The following KIAA1671 variants were observed in gnomAD, a reference collection of about 807,000 sequenced individuals.
KIAA1671 encodes the protein uncharacterized protein KIAA1671.
A neutral mutation model predicts 131.2 loss-of-function variants in KIAA1671; 52 were observed. That is an observed-to-expected ratio of 0.40 (90% CI 0.32 to 0.50). The LOEUF is 0.50. Among genes scored for constraint, KIAA1671 ranks in the 20% least tolerant of loss-of-function variants. The probability of loss-of-function intolerance (pLI) is 0.73; values close to 1 mark genes in which losing one functional copy is unlikely to be tolerated. For missense variants in KIAA1671, 2,360 were observed against 2,364.2 expected (o/e 1.00, Z 0.04); for synonymous variants, 1,003 against 961.6 (o/e 1.04, Z -0.80).
At chr22:25,178,455 G>A (rs1601386043) in intron 9 of KIAA1671, among the ~76,000 whole-genome samples, 2 of 152,384 alleles carry the variant, frequency 1.3e-5, no homozygotes, top group African/African-American at 4.8e-5. Flanking sequence ...GGAGGGGCCA[G>A]CACTCCAAAG....
At chr22:25,128,226 C>T (rs1932272477) in intron 6 of KIAA1671, among the ~76,000 whole-genome samples, 1 of 152,082 alleles carries the variant, frequency 6.6e-6, no homozygotes, top group Non-Finnish European at 1.5e-5. Context: ...CTAGGTGAGC[C>T]CCAGGTAGAG....
At chr22:25,171,697 C>T (rs1377283599) in intron 7 of KIAA1671, among the ~76,000 whole-genome samples, 3 of 150,970 alleles carry the variant, frequency 2.0e-5, no homozygotes, top group African/African-American at 2.4e-5. Context: ...CCAGCCTGGG[C>T]GACAGAGAGA....
intron 1 of KIAA1671, among the ~76,000 whole-genome samples, chr22:24,984,625 T>C (rs1923418140): frequency 6.6e-6 from 1 of 152,014 alleles, no homozygotes; most frequent in South Asian, 2.1e-4. Flanking sequence ...AGTCTTCCCA[T>C]TCAGGACAAA....
intron 6 of KIAA1671, among the ~76,000 whole-genome samples, chr22:25,120,617 A>C (rs1472121500): frequency 1.3e-5 from 2 of 152,214 alleles, no homozygotes; most frequent in African/African-American, 2.4e-5. Flanking sequence ...TTCTTGGAAC[A>C]TATAGAAAAA....
At chr22:24,987,137 A>AT (rs532493499) in intron 1 of KIAA1671, among the ~76,000 whole-genome samples, 7 of 148,076 alleles carry the variant, frequency 4.7e-5, no homozygotes, top group Admixed American at 4.0e-4. Flanking sequence ...TGTTCTTTTG[A>AT]TTTTTTTCCA....
rs1934792274 is a variant in KIAA1671, at chr22:25,195,391, G to A, written c.*2990G>A. Reference sequence around the variant, plus strand: ...ACTCCATGCCACCGGAGAAACTCTGGTGAAAGAGAAACCTCGTGGTCTTTA... The same window carrying A: ...ACTCCATGCCACCGGAGAAACTCTGATGAAAGAGAAACCTCGTGGTCTTTA... On this transcript the variant is annotated 3_prime_UTR_variant, in exon 13 of 13. Coordinates refer to ENST00000358431, the MANE Select transcript of KIAA1671 (RefSeq NM_001145206.2). 1 of 152,188 alleles carries A rather than the reference G, an allele frequency of 6.6e-6. No individual in the cohort carries two copies. The highest frequency in any genetic ancestry group is 1.9e-4 in the East Asian group (1 of 5,198). 9.4% of individuals were successfully genotyped at this position (152,188 alleles called of 1,614,324 possible).
intron 9 of KIAA1671, chr22:25,179,660 C>T: frequency 1.6e-6 from 1 of 644,702 alleles, no homozygotes; most frequent in Non-Finnish European, 2.7e-6. Flanking sequence ...TTATCAGAAA[C>T]TAGGTAAAAC....
intron 4 of KIAA1671, among the ~76,000 whole-genome samples, chr22:25,036,200 CCTCCTGAGTAG>C (rs1208703685): frequency 2.6e-5 from 4 of 152,144 alleles, no homozygotes; most frequent in Admixed American, 1.3e-4. Context: ...CCTGCCTCAG[CCTCCTGAGTAG>C]CTGGGATTAC....
At chr22:25,175,843 C>G (rs1253403641) in intron 8 of KIAA1671, 1 of 152,216 alleles carries the variant, frequency 6.6e-6, no homozygotes, top group Non-Finnish European at 1.5e-5. Context: ...AAGCATAGGT[C>G]TAACGCTTAC....
rs186718406 is a variant in KIAA1671 at position 24,964,559 on chromosome 22, C to T, written c.-208+11787C>T. On this transcript the variant is annotated intron_variant, in intron 1 of 12. Coordinates refer to ENST00000358431, the MANE Select transcript of KIAA1671 (RefSeq NM_001145206.2). The stretch of plus-strand genomic sequence containing the variant: ...TCCTCAGCCTTCTGAGTAGCTGGGA[C>T]CAAAGGAATGCGCCACCATGTCCAG... Among the ~76,000 whole-genome samples, 12 of 152,098 alleles carry T rather than the reference C, an allele frequency of 7.9e-5. No individual in the cohort carries two copies. The East Asian group carries it at 2.3e-3, about 29-fold the overall frequency.
At chr22:24,997,693 AG>A (rs565299141) in intron 1 of KIAA1671, among the ~76,000 whole-genome samples, 57 of 152,218 alleles carry the variant, frequency 3.7e-4, no homozygotes, top group South Asian at 8.3e-4. Flanking sequence ...GAGCACCTGG[AG>A]GCCACTCGAA....
chr22:25,089,323 G>A (rs9624721), intron 6 of KIAA1671, among the ~76,000 whole-genome samples: 9,541 of 138,822 alleles, frequency 0.069, 1,056 homozygotes, highest in African/African-American at 0.25. Flanking sequence ...TGCCCAGGCT[G>A]GAGTGCAGTG....
rs73407427 is a variant in KIAA1671 at position 25,167,330 on chromosome 22, T to G, written c.4531-3490T>G. On this transcript the variant is annotated intron_variant, in intron 6 of 12. Transcript: ENST00000358431. Reference sequence around the variant, plus strand: ...TTTGACCTGGTGACTCTATACCTAGTAATTTCTCTTACGGGAATAATTGCA... The same window carrying G: ...TTTGACCTGGTGACTCTATACCTAGGAATTTCTCTTACGGGAATAATTGCA... 9.0e-3 allele frequency among the ~76,000 whole-genome samples: 1,365 copies of G among 152,320 alleles called. 24 individuals carry two copies. The highest frequency in any genetic ancestry group is 0.031 in the African/African-American group (1,273 of 41,568).
intron 6 of KIAA1671, among the ~76,000 whole-genome samples, chr22:25,066,300 C>T (rs1373587658): frequency 6.6e-6 from 1 of 152,176 alleles, no homozygotes; most frequent in Admixed American, 6.5e-5. Flanking sequence ...AGGCACACAC[C>T]ACCACACCAG....
chr22:25,171,003 AC>A, intron 7 of KIAA1671, 65 bp downstream of exon 7: 1 of 1,259,530 alleles, frequency 7.9e-7, no homozygotes, highest in Non-Finnish European at 1.1e-6. Context: ...GCTGCAGCCC[AC>A]CCACCTCCTG....
intron 1 of KIAA1671, among the ~76,000 whole-genome samples, chr22:25,009,341 T>C (rs1924908518): frequency 7.3e-6 from 1 of 137,624 alleles, no homozygotes; most frequent in African/African-American, 2.7e-5. Flanking sequence ...CTTGGCTCAC[T>C]GCAACCTCTG....
At chr22:25,160,306 C>T (rs1354308506) in intron 6 of KIAA1671, among the ~76,000 whole-genome samples, 2 of 152,072 alleles carry the variant, frequency 1.3e-5, no homozygotes, top group African/African-American at 4.8e-5. Context: ...ACGGGTGTGC[C>T]CCTGTGGGTG....
intron 5 of KIAA1671, among the ~76,000 whole-genome samples, chr22:25,046,745 C>T (rs1326156722): frequency 4.6e-5 from 7 of 151,880 alleles, no homozygotes; most frequent in Non-Finnish European, 8.8e-5. Context: ...TAATAAAGAG[C>T]ACTTTCTCTA....
chr22:25,027,679 CAG>C (rs1336539110), intron 2 of KIAA1671, among the ~76,000 whole-genome samples: 1 of 152,184 alleles, frequency 6.6e-6, no homozygotes, highest in Non-Finnish European at 1.5e-5. Context: ...GATTAGCTGT[CAG>C]GGGAAAGTCC....
Sources: allele counts gnomAD v4.1 joint callset (sites outside exome capture counted in the v4.1 genomes callset), GRCh38; gene constraint gnomAD v4.1.1; transcripts MANE v1.5; gene names NCBI Gene and HGNC (gene_info 2026-07-23, HGNC 2026-07-21).